PRKG1: variants seen among roughly 807,000 people sequenced by gnomAD.
The protein encoded by PRKG1 is protein kinase cGMP-dependent 1.
In PRKG1, 35 loss-of-function variants were observed where a neutral mutation model predicts 88.1. That is an observed-to-expected ratio of 0.40 (90% CI 0.30 to 0.53). The LOEUF is 0.53. Ranked by LOEUF, PRKG1 falls within the 20% of genes least tolerant of loss-of-function variation. The pLI, the probability that PRKG1 is intolerant of heterozygous loss-of-function variation, is 0.59. For synonymous variants in PRKG1, 303 were observed against 292.5 expected (o/e 1.04, Z -0.37); for missense variants, 540 against 839.8 (o/e 0.64, Z 4.41).
chr10:52,262,303 G>T (rs1380724536), intron 10 of PRKG1, among the ~76,000 whole-genome samples: 2 of 151,820 alleles, frequency 1.3e-5, no homozygotes, highest in Non-Finnish European at 2.9e-5. Context: ...ATAGAGTCTT[G>T]CTCTGTTGCC....
chr10:51,493,297 A>T (rs532442300), intron 3 of PRKG1, among the ~76,000 whole-genome samples: 45 of 152,324 alleles, frequency 3.0e-4, no homozygotes, highest in African/African-American at 9.4e-4. Context: ...ATGGATTTTG[A>T]CCAATTTCCA....
intron 3 of PRKG1, among the ~76,000 whole-genome samples, chr10:51,646,648 G>A (rs1320706904): frequency 2.6e-5 from 4 of 152,074 alleles, no homozygotes; most frequent in Admixed American, 6.6e-5. Flanking sequence ...AAGAAGGAAA[G>A]GGGAGAGAGG....
At chr10:51,226,178 T>C (rs919928805) in intron 2 of PRKG1, among the ~76,000 whole-genome samples, 1 of 152,142 alleles carries the variant, frequency 6.6e-6, no homozygotes, top group African/African-American at 2.4e-5. Flanking sequence ...CACTCTAGTC[T>C]GGGGGACAGA....
intron 5 of PRKG1, among the ~76,000 whole-genome samples, chr10:51,970,001 T>TACACACACAC (rs35117709): frequency 0.02 from 2,887 of 144,478 alleles, 50 homozygotes; most frequent in Non-Finnish European, 0.031. Flanking sequence ...ATTCTCTTCA[T>TACACACACAC]ACACACACAC....
intron 2 of PRKG1, among the ~76,000 whole-genome samples, chr10:51,381,857 T>C (rs150831812): frequency 6.6e-6 from 1 of 152,318 alleles, no homozygotes; most frequent in East Asian, 1.9e-4. Flanking sequence ...AGTCCTATCA[T>C]ACAACATTGT....
chr10:52,058,144 A>G (rs1415796034), intron 6 of PRKG1, among the ~76,000 whole-genome samples: 3 of 152,134 alleles, frequency 2.0e-5, no homozygotes, highest in East Asian at 1.9e-4. Flanking sequence ...GAACTGTTCT[A>G]TATCTCTACA....
chr10:51,056,901 C>T (rs1329582426), intron 1 of PRKG1, among the ~76,000 whole-genome samples: 2 of 152,210 alleles, frequency 1.3e-5, no homozygotes, highest in Admixed American at 6.5e-5. Context: ...TCTTCCTCCA[C>T]CTATTCACAT....
At chr10:51,514,418 T>C (rs966746060) in intron 3 of PRKG1, among the ~76,000 whole-genome samples, 1 of 152,110 alleles carries the variant, frequency 6.6e-6, no homozygotes, top group African/African-American at 2.4e-5. Context: ...AAAAAAACAA[T>C]TGATCACAAA....
chr10:51,277,913 A>C (rs547134124), intron 2 of PRKG1, among the ~76,000 whole-genome samples: 2 of 152,284 alleles, frequency 1.3e-5, no homozygotes, highest in South Asian at 2.1e-4. Flanking sequence ...GGACAATTTG[A>C]CTTCCTCTTT....
rs149284834 is a variant in PRKG1 at position 51,604,478 on chromosome 10, T to A, written c.592+136642T>A. ...CTTCCCCCATTAGATCATGAGCTCT[T>A]TAAAGGCCCAAACCATATCTGATTC... On this transcript the variant is annotated intron_variant, in intron 3 of 17. Coordinates refer to ENST00000373980, the MANE Select transcript of PRKG1 (RefSeq NM_006258.4). Among the ~76,000 whole-genome samples the A allele has an allele frequency of 4.1e-3, 626 of 152,342 alleles. 3 individuals are homozygous for A. The highest frequency in any genetic ancestry group is 5.5e-3 in the Non-Finnish European group (374 of 68,028).
At chr10:51,374,468 T>C (rs1036996031) in intron 2 of PRKG1, among the ~76,000 whole-genome samples, 1 of 152,126 alleles carries the variant, frequency 6.6e-6, no homozygotes, top group African/African-American at 2.4e-5. Flanking sequence ...TCTAATGTGA[T>C]AGATTAAGAG....
At chr10:51,163,737 G>A (rs1021579523) in intron 2 of PRKG1, among the ~76,000 whole-genome samples, 1 of 152,232 alleles carries the variant, frequency 6.6e-6, no homozygotes, top group African/African-American at 2.4e-5. Flanking sequence ...CGCACCAGGA[G>A]ATTATATCTC....
chr10:51,638,954 A>G (rs892204926), intron 3 of PRKG1, among the ~76,000 whole-genome samples: 1 of 152,220 alleles, frequency 6.6e-6, no homozygotes, highest in Non-Finnish European at 1.5e-5. Flanking sequence ...TGTAAGTTCT[A>G]CATAAGAACA....
intron 17 of PRKG1, among the ~76,000 whole-genome samples, chr10:52,292,904 T>C (rs981622170): frequency 3.9e-5 from 6 of 152,232 alleles, no homozygotes; most frequent in Middle Eastern, 3.4e-3. Context: ...TTGGAAGTTC[T>C]GGTCAGGGCA....
intron 4 of PRKG1, among the ~76,000 whole-genome samples, chr10:51,836,186 A>G (rs11592926): frequency 0.45 from 67,666 of 152,044 alleles, 17,437 homozygotes; most frequent in Non-Finnish European, 0.58. Flanking sequence ...AGACACATCA[A>G]CCAATGGAAT....
At chr10:51,620,253 C>G (rs572528637) in intron 3 of PRKG1, among the ~76,000 whole-genome samples, 1 of 152,044 alleles carries the variant, frequency 6.6e-6, no homozygotes, top group South Asian at 2.1e-4. Flanking sequence ...GAAAAATAAC[C>G]GAAGGATTTC....
At chr10:51,251,797 C>T (rs1177696216) in intron 2 of PRKG1, among the ~76,000 whole-genome samples, 1 of 151,666 alleles carries the variant, frequency 6.6e-6, no homozygotes. Flanking sequence ...AAAATGTGTA[C>T]GGAAGTTTTG....
At chr10:51,642,200 A>T (rs1234074618) in intron 3 of PRKG1, among the ~76,000 whole-genome samples, 2 of 151,904 alleles carry the variant, frequency 1.3e-5, no homozygotes, top group Non-Finnish European at 2.9e-5. Flanking sequence ...GACCAGCCTG[A>T]CCAACATGGT....
At chr10:51,373,259 A>G (rs1842740420) in intron 2 of PRKG1, among the ~76,000 whole-genome samples, 1 of 152,188 alleles carries the variant, frequency 6.6e-6, no homozygotes, top group African/African-American at 2.4e-5. Context: ...ACACAAAGTT[A>G]TTATTTCACA....
Sources: allele counts gnomAD v4.1 joint callset (sites outside exome capture counted in the v4.1 genomes callset), GRCh38; gene constraint gnomAD v4.1.1; transcripts MANE v1.5; gene names NCBI Gene and HGNC (gene_info 2026-07-23, HGNC 2026-07-21).